POLR1A: variants seen among roughly 807,000 people sequenced by gnomAD.
POLR1A encodes the protein DNA-directed RNA polymerase I subunit RPA1.
In POLR1A, 84 loss-of-function variants were observed where a neutral mutation model predicts 205.3. The observed-to-expected ratio is 0.41, with a 90% CI of 0.34 to 0.49. The LOEUF (loss-of-function observed/expected upper bound fraction) is 0.49, where lower values mean the gene tolerates loss of function less well. Ranked by LOEUF, POLR1A falls within the 20% of genes least tolerant of loss-of-function variation. The pLI is 0.22. For missense variants in POLR1A, 1,645 were observed against 2,204.5 expected (o/e 0.75, Z 5.08); for synonymous variants, 799 against 863.7 (o/e 0.93, Z 1.31).
At chr2:86,054,431 A>C in intron 14 of POLR1A, 142 bp from the exon 15 acceptor site, 1 of 750,286 alleles carries the variant, frequency 1.3e-6, no homozygotes, top group Non-Finnish European at 2.1e-6. Context: ...GATCTCAGGT[A>C]TGGCAAGAAA....
At position 86,031,552 on chromosome 2, in the gene POLR1A, G is replaced by A. The variant is rs902773872; in HGVS notation, c.4356C>T (p.His1452=). ...CTTGGGTCTTTCGAGCACCTTCCCT[G>A]TGGGGATTTCGTTCCTCCTGCATGT... is the stretch of plus-strand genomic sequence containing the variant. The part of the protein sequence containing the change: ...DEDMQEERNP[H]REGARKTQEQ... The change falls in exon 30 of 34, where the codon CAC becomes CAT. Residue 1452 remains histidine, a synonymous_variant. Coordinates refer to ENST00000263857, the MANE Select transcript of POLR1A (RefSeq NM_015425.6). 1.9e-6 allele frequency: 3 copies of A among 1,614,134 alleles called. No individual in the cohort carries two copies. Among genetic ancestry groups the A allele is most frequent in the Non-Finnish European group, 2.5e-6 (3 of 1,179,970 alleles).
chr2:86,073,700 TC>T, intron 12 of POLR1A, among the ~76,000 whole-genome samples: 1 of 152,186 alleles, frequency 6.6e-6, no homozygotes, highest in Non-Finnish European at 1.5e-5. Context: ...TCCTAGTGGT[TC>T]CCCCACCATG....
At chr2:86,049,509 T>C (rs1270762282) in intron 16 of POLR1A, among the ~76,000 whole-genome samples, 2 of 152,206 alleles carry the variant, frequency 1.3e-5, no homozygotes, top group African/African-American at 4.8e-5. Context: ...GGGTAGAAAG[T>C]AAACCCAGGC....
chr2:86,072,000 T>C (rs1274618653), intron 12 of POLR1A, among the ~76,000 whole-genome samples: 3 of 152,218 alleles, frequency 2.0e-5, no homozygotes, highest in Non-Finnish European at 4.4e-5. Flanking sequence ...TTTCTTCTTA[T>C]GTTGCCCACA....
In POLR1A at chr2:86,038,770, G is replaced by A; in HGVS notation, c.3964C>T (p.Leu1322=). The change falls in exon 27 of 34, where the codon CTG becomes TTG. Residue 1322 remains leucine, a synonymous_variant. Coordinates refer to ENST00000263857, the MANE Select transcript of POLR1A (RefSeq NM_015425.6). ...FQVYQLRFQF[L]PHAYYQQEKC... is the part of the protein sequence containing the mutation. ...TCCTGCTGGTAATATGCATGTGGCA[G>A]GAACTGAAACCGCAGCTGGTACACC... 1 of 1,614,020 alleles carries A rather than the reference G, an allele frequency of 6.2e-7. No homozygotes were observed.
At chr2:86,047,752 G>A (rs1161617934) in intron 18 of POLR1A, among the ~76,000 whole-genome samples, 3 of 152,224 alleles carry the variant, frequency 2.0e-5, no homozygotes, top group African/African-American at 7.2e-5. Context: ...TGGCTCAAGA[G>A]CCAGCAGAAC....
chr2:86,048,378 C>A (rs1314746938), intron 18 of POLR1A, among the ~76,000 whole-genome samples: 5 of 152,240 alleles, frequency 3.3e-5, no homozygotes, highest in Non-Finnish European at 4.4e-5. Flanking sequence ...GCTCCTGAAG[C>A]CTCTCTGCAG....
intron 9 of POLR1A, among the ~76,000 whole-genome samples, chr2:86,078,983 G>A (rs1177556270): frequency 6.6e-6 from 1 of 152,186 alleles, no homozygotes; most frequent in African/African-American, 2.4e-5. Flanking sequence ...GATACTGTCT[G>A]GCCACCTACT....
Position 86,078,241 on chromosome 2 carries a change from G to A in POLR1A, c.1130C>T (p.Thr377Ile), listed in dbSNP as rs1321935040. Residue 377 changes from threonine to isoleucine, a missense_variant, in exon 10 of 34, where the codon ACA becomes ATA. Thr to Ile is a moderately conservative substitution (Grantham distance 89, BLOSUM62 -1). Around this residue, in one of 16 missense-constraint regions of POLR1A, gnomAD observed 78 missense variants for 77.7 expected, o/e 1.00. Coordinates refer to ENST00000263857, the MANE Select transcript of POLR1A (RefSeq NM_015425.6). ...LIAIDRSFLS[T>I]LPGQSLIDKL... ...GTCTATGAGGGACTGGCCTGGAAGT[G>A]TACTCAAAAAGGATCGGTCAATAGC... 1 of 1,601,722 alleles carries A rather than the reference G, an allele frequency of 6.2e-7. No homozygotes were observed. Among genetic ancestry groups the A allele is most frequent in the African/African-American group, 1.4e-5 (1 of 73,908 alleles).
chr2:86,096,304 T>C (rs1167454801), intron 3 of POLR1A, among the ~76,000 whole-genome samples: 1 of 152,084 alleles, frequency 6.6e-6, no homozygotes, highest in Non-Finnish European at 1.5e-5. Flanking sequence ...AAACATCCCA[T>C]ACTTATAGAT....
intron 11 of POLR1A, 74 bp from the exon 12 acceptor site, chr2:86,075,334 A>T: frequency 9.3e-7 from 1 of 1,075,732 alleles, no homozygotes; most frequent in African/African-American, 1.6e-5. Context: ...AATCTGTCTC[A>T]ACAGGCTGTC....
chr2:86,040,625 T>A, intron 24 of POLR1A, 66 bp from the exon 25 acceptor site: 1 of 1,264,402 alleles, frequency 7.9e-7, no homozygotes, highest in Non-Finnish European at 1.1e-6. Context: ...CACCACAGAC[T>A]GTCAATGCTG....
intron 3 of POLR1A, among the ~76,000 whole-genome samples, chr2:86,095,769 C>G (rs1212055949): frequency 6.6e-6 from 1 of 151,038 alleles, no homozygotes; most frequent in East Asian, 1.9e-4. Context: ...GCTCTGTTAC[C>G]CAGGCTGGAG....
chr2:86,075,891 G>T (rs1048937320), intron 11 of POLR1A, among the ~76,000 whole-genome samples: 1 of 152,180 alleles, frequency 6.6e-6, no homozygotes, highest in African/African-American at 2.4e-5. Context: ...GCACTTCCTT[G>T]AGACAGGTGG....
chr2:86,103,852 C>T (rs1485483533), intron 1 of POLR1A, among the ~76,000 whole-genome samples: 1 of 152,152 alleles, frequency 6.6e-6, no homozygotes, highest in Non-Finnish European at 1.5e-5. Context: ...ACTGAGCTTT[C>T]AGGTGTGTAT....
At chr2:86,078,530 A>C (rs771697780) in intron 9 of POLR1A, among the ~76,000 whole-genome samples, 1 of 152,230 alleles carries the variant, frequency 6.6e-6, no homozygotes, top group African/African-American at 2.4e-5. Flanking sequence ...TGAACTCAAA[A>C]TTTATAAGCA....
chr2:86,037,451 G>GAGAGGGC (rs1461362535), intron 27 of POLR1A, among the ~76,000 whole-genome samples: 1 of 152,280 alleles, frequency 6.6e-6, no homozygotes, highest in African/African-American at 2.4e-5. Flanking sequence ...CCCATAAGGT[G>GAGAGGGC]AGAGGGCAGA....
chr2:86,043,383 T>C (rs146741286), intron 22 of POLR1A, among the ~76,000 whole-genome samples, 188 bp from the exon 23 acceptor site: 4 of 152,260 alleles, frequency 2.6e-5, no homozygotes, highest in African/African-American at 2.4e-5. Flanking sequence ...GCCCTCACTT[T>C]GTGCAAACCA....
rs76904144 is a variant in POLR1A at position 86,039,966 on chromosome 2, A to T, written c.3740+426T>A. On this transcript the variant is annotated intron_variant, in intron 25 of 33. Coordinates refer to ENST00000263857, the MANE Select transcript of POLR1A (RefSeq NM_015425.6). ...TGAATGCAGATGGGTCTGACCCCAC[A>T]CTCATTCCCCTTGTCCAGCACATAT... The T allele has an allele frequency of 2.5e-3, 471 of 191,112 alleles. 5 individuals are homozygous for T. Among genetic ancestry groups the T allele is most frequent in the South Asian group, 0.021 (164 of 7,936 alleles). 11.8% of individuals were successfully genotyped at this position (191,112 alleles called of 1,614,324 possible).
Sources: gnomAD v4.1 joint callset for allele counts (sites outside exome capture counted in the v4.1 genomes callset) on GRCh38, gnomAD v4.1.1 for gene constraint, gnomAD v4.1.1 regional missense constraint, MANE v1.5 for transcripts, NCBI Gene and HGNC (gene_info 2026-07-23, HGNC 2026-07-21) for gene names.